The following TMEM51 variants were observed in gnomAD, a reference collection of about 807,000 sequenced individuals.
The protein encoded by TMEM51 is chromosome 1 open reading frame 72.
In TMEM51, 8 loss-of-function variants were observed where a neutral mutation model predicts 13.6. The ratio of observed to expected loss-of-function variants is 0.59; its 90% CI spans 0.35 to 1.07. The LOEUF is 1.07. Among genes scored for constraint, TMEM51 ranks in the 50% least tolerant of loss-of-function variants. The pLI, the probability that TMEM51 is intolerant of heterozygous loss-of-function variation, is 0.02. For synonymous variants in TMEM51, 147 were observed against 144.4 expected (o/e 1.02, Z -0.13); for missense variants, 279 against 330.7 (o/e 0.84, Z 1.21).
chr1:15,219,481 T>G lies in TMEM51; in HGVS notation c.500T>G (p.Leu167Arg), dbSNP rs536872348. ...CCGTCCTATGAGTCACTGACGGGGC[T>G]CGACGAGACCACCCCCACATCCACC... Reference protein sequence around the residue: ...SLPSYESLTGLDETTPTSTRA... With the variant: ...SLPSYESLTGRDETTPTSTRA... Residue 167 changes from leucine to arginine, a missense_variant, in exon 4 of 4, where the codon CTC (leucine) becomes CGC (arginine). Physicochemically the swap from Leu to Arg is moderately radical, Grantham distance 102. Coordinates refer to ENST00000376008, the MANE Select transcript of TMEM51 (RefSeq NM_001136218.2). The G allele has an allele frequency of 4.3e-6, 7 of 1,614,002 alleles. No individual in the cohort carries two copies. The Admixed American group carries it at 8.3e-5, about 19-fold the overall frequency.
chr1:15,168,668 T>G (rs1371257463), intron 1 of TMEM51: 3 of 1,304,228 alleles, frequency 2.3e-6, no homozygotes, highest in Admixed American at 4.6e-5. Context: ...TCTGAGGAAG[T>G]CTGTTGGTAG....
At chr1:15,199,451 A>G (rs1402935946) in intron 1 of TMEM51, among the ~76,000 whole-genome samples, 1 of 152,146 alleles carries the variant, frequency 6.6e-6, no homozygotes, top group Non-Finnish European at 1.5e-5. Flanking sequence ...CAGAGATTTT[A>G]AAACCCAGGG....
chr1:15,195,888 A>G (rs1644038084), intron 1 of TMEM51, among the ~76,000 whole-genome samples: 1 of 152,014 alleles, frequency 6.6e-6, no homozygotes, highest in Admixed American at 6.5e-5. Flanking sequence ...AAGCCCAAGC[A>G]GTCCTGGCTG....
intron 1 of TMEM51, among the ~76,000 whole-genome samples, chr1:15,155,780 A>G (rs577505115): frequency 6.7e-6 from 1 of 149,692 alleles, no homozygotes; most frequent in African/African-American, 2.5e-5. Flanking sequence ...ATCATTCAAC[A>G]TATGTTGGCC....
In TMEM51 at chr1:15,219,944, G is replaced by C. The variant is rs1212672664; in HGVS notation, c.*201G>C. 1.6e-6 allele frequency: 1 copy of C among 607,126 alleles called. No homozygotes were observed. The highest frequency in any genetic ancestry group is 2.8e-5 in the East Asian group (1 of 35,944). The allele number at this position is 607,126 out of a possible 1,614,324, so 37.6% of individuals were successfully genotyped here. Reference sequence around the variant, plus strand: ...ACAGCCTCCTGCTGCAGGTGCTTTGGAAAGAGATGCTGCCTTGGAGCTGGT... The same window carrying C: ...ACAGCCTCCTGCTGCAGGTGCTTTGCAAAGAGATGCTGCCTTGGAGCTGGT... On this transcript the variant is annotated 3_prime_UTR_variant, in exon 4 of 4. Transcript: ENST00000376008.
chr1:15,157,479 C>T (rs1024791056), intron 1 of TMEM51, among the ~76,000 whole-genome samples: 1 of 152,142 alleles, frequency 6.6e-6, no homozygotes, highest in African/African-American at 2.4e-5. Context: ...ACAGCCAGGA[C>T]CAGAACCCGA....
intron 1 of TMEM51, among the ~76,000 whole-genome samples, chr1:15,178,650 T>C (rs938171428): frequency 6.6e-5 from 10 of 152,184 alleles, no homozygotes; most frequent in Non-Finnish European, 1.3e-4. Context: ...GTACTGGTGG[T>C]GTGCCCATTT....
intron 1 of TMEM51, among the ~76,000 whole-genome samples, chr1:15,172,669 C>T (rs1643325996): frequency 1.3e-5 from 2 of 152,172 alleles, no homozygotes; most frequent in Admixed American, 1.3e-4. Context: ...CCTTTTCTAT[C>T]ATTTCACTCT....
chr1:15,153,552 G>A (rs742675), upstream of TMEM51, among the ~76,000 whole-genome samples: 118,224 of 151,912 alleles, frequency 0.78, 46,138 homozygotes, highest in East Asian at 0.94. Context: ...CGCTCAGCGC[G>A]CTCCAGCGGC....
chr1:15,191,209 G>T (rs966416928), intron 1 of TMEM51, among the ~76,000 whole-genome samples: 1 of 152,206 alleles, frequency 6.6e-6, no homozygotes, highest in South Asian at 2.1e-4. Context: ...AGCCAACAAG[G>T]GCAGGTGGCC....
chr1:15,162,663 C>A (rs1642823927), intron 1 of TMEM51, among the ~76,000 whole-genome samples: 1 of 152,078 alleles, frequency 6.6e-6, no homozygotes, highest in Admixed American at 6.5e-5. Context: ...TCTATCCATA[C>A]AGTGGAATAT....
At chr1:15,182,189 TAAATAAATAAATA>T (rs1194349070) in intron 1 of TMEM51, among the ~76,000 whole-genome samples, 1 of 148,250 alleles carries the variant, frequency 6.7e-6, no homozygotes, top group Non-Finnish European at 1.5e-5. Flanking sequence ...AATAAATAAA[TAAATAAATAAATA>T]AATAACTGCA....
At chr1:15,199,282 G>A (rs1248052082) in intron 1 of TMEM51, among the ~76,000 whole-genome samples, 3 of 152,174 alleles carry the variant, frequency 2.0e-5, no homozygotes, top group South Asian at 2.1e-4. Flanking sequence ...ACAGGCGCAC[G>A]CCACCATGCC....
chr1:15,181,045 C>T (rs989491675), intron 1 of TMEM51, among the ~76,000 whole-genome samples: 8 of 152,136 alleles, frequency 5.3e-5, no homozygotes, highest in East Asian at 1.9e-4. Flanking sequence ...CCTGTCCTTC[C>T]GGAAGGCTGT....
intron 1 of TMEM51, among the ~76,000 whole-genome samples, chr1:15,189,213 C>CTTTTTTTTTTTTT (rs59346950): frequency 1.1e-4 from 10 of 92,852 alleles, no homozygotes; most frequent in African/African-American, 2.1e-4. Flanking sequence ...CTAATTTTTC[C>CTTTTTTTTTTTTT]TTTTTTTTTT....
intron 1 of TMEM51, among the ~76,000 whole-genome samples, chr1:15,156,638 G>A (rs1313552620): frequency 6.6e-6 from 1 of 152,214 alleles, no homozygotes; most frequent in Non-Finnish European, 1.5e-5. Context: ...CCTTCTCCAT[G>A]CTTCAAGTCT....
chr1:15,198,743 C>T (rs145372299), intron 1 of TMEM51, among the ~76,000 whole-genome samples: 3 of 152,258 alleles, frequency 2.0e-5, no homozygotes, highest in South Asian at 4.1e-4. Flanking sequence ...GCCACCCTGC[C>T]GACCAAATGA....
rs1039571858 is a variant in TMEM51, at chr1:15,161,469, A to G, written c.-267+7515A>G. On this transcript the variant is annotated intron_variant, in intron 1 of 3. Coordinates refer to ENST00000376008, the MANE Select transcript of TMEM51 (RefSeq NM_001136218.2). The surrounding 1 kb of genome is among the most constrained non-coding windows in gnomAD (Gnocchi z 4.0). ...GCAGTGAGCCGAGATCGTGCCACTG[A>G]ACTCCAGCCTGGGCAACAGAGTGAG... Among the ~76,000 whole-genome samples the G allele has an allele frequency of 2.0e-5, 3 of 151,212 alleles. No homozygotes were observed. The highest frequency in any genetic ancestry group is 1.5e-5 in the Non-Finnish European group (1 of 67,830).
Position 15,215,032 on chromosome 1 carries a change from C to A in TMEM51, c.-56C>A. ...TAAGGGGTTTTTGTTGTGACTGCTG[C>A]CTTGTATACATTTATTTTCTTTCTT... On this transcript the variant is annotated 5_prime_UTR_variant, in exon 3 of 4. Transcript: ENST00000376008. The A allele has an allele frequency of 6.6e-7, 1 of 1,511,998 alleles. No individual in the cohort carries two copies. 93.7% of individuals were successfully genotyped at this position (1,511,998 alleles called of 1,614,324 possible). A position where few individuals can be genotyped will look rare whatever the true frequency, so the allele number is the denominator to read the frequency against.
Sources: allele counts gnomAD v4.1 joint callset (sites outside exome capture counted in the v4.1 genomes callset), GRCh38; gene constraint gnomAD v4.1.1; non-coding constraint Gnocchi (gnomAD v3.1); transcripts MANE v1.5; gene names NCBI Gene and HGNC (gene_info 2026-07-23, HGNC 2026-07-21).